Variants in DPP6 observed in about 807,000 individuals in gnomAD.
DPP6 encodes the protein A-type potassium channel modulatory protein DPP6.
DPP6 carries 69 observed loss-of-function variants against 122.6 expected under a neutral mutation model. The observed-to-expected ratio is 0.56, with a 90% CI of 0.46 to 0.69. DPP6 has a LOEUF of 0.69. DPP6 is among the 30% of genes least tolerant of loss of function. The pLI is 0.00. For synonymous variants in DPP6, 418 were observed against 433.1 expected, an observed-to-expected ratio of 0.97 and a Z score of 0.43; for missense variants, 928 against 1,116.9, an observed-to-expected ratio of 0.83 and a Z score of 2.41.
chr7:154,648,915 C>A (rs1488785118), intron 6 of DPP6, among the ~76,000 whole-genome samples: 2 of 12,922 alleles, frequency 1.5e-4, no homozygotes, highest in Non-Finnish European at 6.7e-4. Context: ...GAGACTCCAT[C>A]TTAAAAAAAA....
chr7:153,846,904 A>G, the DPP6 span, among the ~76,000 whole-genome samples: 1 of 151,822 alleles, frequency 6.6e-6, no homozygotes, highest in East Asian at 1.9e-4. Context: ...TCACCCTGTT[A>G]GCCAGGATGG....
Position 154,892,675 on chromosome 7 carries a change from C to T in DPP6, c.*195C>T, listed in dbSNP as rs748658588. 42 of 1,173,540 alleles carry T rather than the reference C, an allele frequency of 3.6e-5. No individual in the cohort carries two copies. The highest frequency in any genetic ancestry group is 4.8e-5 in the Non-Finnish European group (39 of 805,854). 72.7% of individuals were successfully genotyped at this position (1,173,540 alleles called of 1,614,324 possible). On this transcript the variant is annotated 3_prime_UTR_variant, in exon 26 of 26. Transcript: ENST00000377770. Reference sequence around the variant, plus strand: ...TCCCCGGGGTCATCACTCACGGCCTCCATGGCACCAGGGACAACGCTGTCC... The same window carrying T: ...TCCCCGGGGTCATCACTCACGGCCTTCATGGCACCAGGGACAACGCTGTCC...
chr7:154,776,493 A>T (rs1796581287), intron 10 of DPP6, among the ~76,000 whole-genome samples: 1 of 152,032 alleles, frequency 6.6e-6, no homozygotes. Context: ...ATCCCAGTGG[A>T]ATTTTTAGAT....
intron 1 of DPP6, among the ~76,000 whole-genome samples, chr7:154,358,845 A>G (rs1811489487): frequency 6.6e-6 from 1 of 152,124 alleles, no homozygotes; most frequent in African/African-American, 2.4e-5. Context: ...GGCTGGGATT[A>G]CAGGCAGCCA....
intron 16 of DPP6, among the ~76,000 whole-genome samples, chr7:154,819,520 A>T (rs544197678): frequency 5.3e-4 from 80 of 152,334 alleles, no homozygotes; most frequent in Non-Finnish European, 1.0e-3. Flanking sequence ...GGGTAATAAA[A>T]GCCATTTTGT....
intron 1 of DPP6, among the ~76,000 whole-genome samples, chr7:153,999,777 G>GGT (rs1310865694): frequency 1.3e-5 from 2 of 152,164 alleles, no homozygotes; most frequent in African/African-American, 4.8e-5. Flanking sequence ...TGGGCAACAT[G>GGT]GTGAGATGCT....
At chr7:153,787,056 A>G in the DPP6 span, among the ~76,000 whole-genome samples, 2 of 146,444 alleles carry the variant, frequency 1.4e-5, no homozygotes, top group East Asian at 2.0e-4. Flanking sequence ...GGTTCACGCC[A>G]TTCTCCTGCC....
intron 1 of DPP6, among the ~76,000 whole-genome samples, chr7:154,007,950 C>A (rs2533539): frequency 7.7e-4 from 117 of 151,716 alleles, no homozygotes; most frequent in African/African-American, 1.9e-3. Flanking sequence ...CTGAGGCATA[C>A]CATGCCGTGA....
At chr7:154,852,311 C>T (rs1268132802) in intron 16 of DPP6, among the ~76,000 whole-genome samples, 1 of 152,172 alleles carries the variant, frequency 6.6e-6, no homozygotes, top group Non-Finnish European at 1.5e-5. Flanking sequence ...CCTTGTGAGT[C>T]CATGGCATCC....
intron 1 of DPP6, chr7:154,305,154 G>A (rs889211103): frequency 1.3e-6 from 1 of 745,238 alleles, no homozygotes; most frequent in Non-Finnish European, 1.7e-6. Flanking sequence ...GAGGCAGCGC[G>A]CATCACTCGG....
chr7:154,060,592 C>G (rs1392404147), intron 1 of DPP6, among the ~76,000 whole-genome samples: 8 of 127,976 alleles, frequency 6.3e-5, no homozygotes, highest in East Asian at 2.5e-4. Flanking sequence ...TTACTGAGAG[C>G]CAGTCCCTCT....
At chr7:154,641,350 A>G (rs972134065) in intron 6 of DPP6, among the ~76,000 whole-genome samples, 3 of 152,228 alleles carry the variant, frequency 2.0e-5, no homozygotes, top group Non-Finnish European at 4.4e-5. Context: ...ACAAATCTAT[A>G]TTTTAGCGGA....
intron 3 of DPP6, among the ~76,000 whole-genome samples, chr7:154,531,157 C>G (rs757502884): frequency 1.3e-5 from 2 of 152,114 alleles, no homozygotes; most frequent in African/African-American, 4.8e-5. Flanking sequence ...CAAACCTGCA[C>G]ATCCTGCACA....
intron 1 of DPP6, among the ~76,000 whole-genome samples, chr7:154,064,468 T>G (rs1435547557): frequency 6.6e-6 from 1 of 152,068 alleles, no homozygotes; most frequent in Non-Finnish European, 1.5e-5. Flanking sequence ...ATAGACACAT[T>G]CCACAATGAC....
chr7:154,482,351 C>G (rs1823381553), intron 3 of DPP6, among the ~76,000 whole-genome samples: 1 of 152,130 alleles, frequency 6.6e-6, no homozygotes, highest in Non-Finnish European at 1.5e-5. Context: ...TTGGGTTTAA[C>G]TTATTGGCAC....
At chr7:154,657,968 C>A (rs887681455) in intron 6 of DPP6, among the ~76,000 whole-genome samples, 3 of 152,184 alleles carry the variant, frequency 2.0e-5, no homozygotes, top group African/African-American at 7.2e-5. Flanking sequence ...AACTATGTGA[C>A]ATTCAGGAAA....
rs1266009705 is a variant in DPP6 at position 154,063,380 on chromosome 7, AG to A, written c.243+10320del. ...GCAGGAGGGTGTGGCACCCCCCACGAGGGTGGGGACTGAGAGCTATCCCCTC... is the reference window on the plus strand; with the variant it reads ...GCAGGAGGGTGTGGCACCCCCCACGAGGTGGGGACTGAGAGCTATCCCCTC... On this transcript the variant is annotated intron_variant, in intron 1 of 25. Coordinates refer to ENST00000377770, the MANE Select transcript of DPP6 (RefSeq NM_130797.4). 1.1e-4 allele frequency among the ~76,000 whole-genome samples: 14 copies of A among 129,478 alleles called. 2 individuals are homozygous for A. Among genetic ancestry groups the A allele is most frequent in the Admixed American group, 8.9e-4 (11 of 12,402 alleles). The allele number at this position is 129,478 out of a possible 152,430, so 84.9% of individuals were successfully genotyped here. A position where few individuals can be genotyped will look rare whatever the true frequency, so the allele number is the denominator to read the frequency against.
At chr7:154,314,018 A>G (rs1437160875) in intron 1 of DPP6, among the ~76,000 whole-genome samples, 1 of 152,008 alleles carries the variant, frequency 6.6e-6, no homozygotes, top group Non-Finnish European at 1.5e-5. Flanking sequence ...AACGTCTCAA[A>G]AGCTCCCTTG....
intron 1 of DPP6, among the ~76,000 whole-genome samples, chr7:154,036,279 A>T (rs1799529813): frequency 8.4e-6 from 1 of 119,642 alleles, no homozygotes; most frequent in Non-Finnish European, 1.8e-5. Flanking sequence ...CCTGGCTAAT[A>T]TTTATATTTT....
Sources: allele counts gnomAD v4.1 joint callset (sites outside exome capture counted in the v4.1 genomes callset), GRCh38; gene constraint gnomAD v4.1.1; transcripts MANE v1.5; gene names NCBI Gene and HGNC (gene_info 2026-07-23, HGNC 2026-07-21).